PCDH11Y: variants seen among roughly 807,000 people sequenced by gnomAD.
PCDH11Y encodes protocadherin-11 Y-linked.
For missense variants in PCDH11Y, 12 were observed against 224.8 expected (o/e 0.05, Z 6.05); for synonymous variants, 9 against 83.6 (o/e 0.11, Z 4.87).
chrY:5,363,892 T>C, intron 2 of PCDH11Y, among the ~76,000 whole-genome samples: 1 of 20,463 alleles, frequency 4.9e-5, no homozygotes, highest in African/African-American at 2.0e-4. Context: ...CTTGCTCTTG[T>C]CGCCCAGGCT....
intron 2 of PCDH11Y, among the ~76,000 whole-genome samples, chrY:5,376,162 C>CTATT (rs2124673858): frequency 3.2e-5 from 1 of 31,006 alleles, no homozygotes; most frequent in South Asian, 7.1e-4. Flanking sequence ...TTTTATTTAT[C>CTATT]TATTTATTTA....
At position 5,312,530 on chromosome Y, in the gene PCDH11Y, T is replaced by TTA. The variant is rs2053102163; in HGVS notation, c.3130-188518_3130-188517dup. 5.6e-4 allele frequency among the ~76,000 whole-genome samples: 15 copies of TTA among 26,779 alleles called. No homozygotes were observed. The South Asian group carries it at 6.9e-3, about 12-fold the overall frequency. 71.8% of individuals were successfully genotyped at this position (26,779 alleles called of 37,273 possible). On this transcript the variant is annotated intron_variant, in intron 2 of 4. Transcript: ENST00000400457. ...TATATTTATATAAGATATATATTTCTTATATATATAAGATATATATATAAG... is the reference window on the plus strand; with the variant it reads ...TATATTTATATAAGATATATATTTCTTATATATATATAAGATATATATATAAG...
At chrY:5,347,268 T>G in intron 2 of PCDH11Y, among the ~76,000 whole-genome samples, 1 of 31,708 alleles carries the variant, frequency 3.2e-5, no homozygotes, top group Non-Finnish European at 7.6e-5. Context: ...CTGGCCAACA[T>G]GGTGAAACCT....
intron 3 of PCDH11Y, among the ~76,000 whole-genome samples, chrY:5,508,477 T>C (rs2053361160): frequency 3.0e-5 from 1 of 33,275 alleles, no homozygotes; most frequent in Non-Finnish European, 7.5e-5. Flanking sequence ...ATTGGAAATG[T>C]TTGTATGTTA....
At chrY:5,604,897 G>A in intron 4 of PCDH11Y, among the ~76,000 whole-genome samples, 1 of 31,714 alleles carries the variant, frequency 3.2e-5, no homozygotes, top group Non-Finnish European at 7.7e-5. Context: ...CTCTCCTTAC[G>A]CCTGATAACC....
At chrY:5,131,875 C>G (rs2052834498) in intron 2 of PCDH11Y, among the ~76,000 whole-genome samples, 3 of 33,213 alleles carry the variant, frequency 9.0e-5, no homozygotes, top group Admixed American at 2.8e-4. Flanking sequence ...GTATAATGCA[C>G]AAATCAAAAT....
intron 2 of PCDH11Y, among the ~76,000 whole-genome samples, chrY:5,401,376 GT>G (rs2053233709): frequency 3.0e-5 from 1 of 32,964 alleles, no homozygotes; most frequent in African/African-American, 1.2e-4. Flanking sequence ...GGAATTGACT[GT>G]CAGTAAAAAA....
At chrY:5,507,303 AT>A (rs2053359638) in intron 3 of PCDH11Y, among the ~76,000 whole-genome samples, 1 of 32,695 alleles carries the variant, frequency 3.1e-5, no homozygotes, top group Admixed American at 2.9e-4. Flanking sequence ...ATACATTATA[AT>A]AAGAAAAATG....
intron 2 of PCDH11Y, among the ~76,000 whole-genome samples, chrY:5,419,006 T>C: frequency 3.0e-5 from 1 of 33,052 alleles, no homozygotes; most frequent in Non-Finnish European, 7.5e-5. Flanking sequence ...CATCCTTATG[T>C]TCTGAACTCT....
At chrY:5,356,252 TA>T (rs2053165924) in intron 2 of PCDH11Y, among the ~76,000 whole-genome samples, 3 of 33,620 alleles carry the variant, frequency 8.9e-5, no homozygotes, top group Admixed American at 2.8e-4. Context: ...TTTAAAGACA[TA>T]AGTGATTAAC....
At chrY:5,057,917 G>GA (rs2052667301) in intron 1 of PCDH11Y, among the ~76,000 whole-genome samples, 1 of 31,347 alleles carries the variant, frequency 3.2e-5, no homozygotes, top group African/African-American at 1.2e-4. Flanking sequence ...CTATTTGAGA[G>GA]GTGACTAGAA....
intron 2 of PCDH11Y, among the ~76,000 whole-genome samples, chrY:5,223,928 C>A: frequency 3.2e-5 from 1 of 31,541 alleles, no homozygotes; most frequent in Non-Finnish European, 7.6e-5. Context: ...GATCAACCAC[C>A]AAAACCTTCA....
At chrY:5,281,989 C>T in intron 2 of PCDH11Y, among the ~76,000 whole-genome samples, 1 of 26,805 alleles carries the variant, frequency 3.7e-5, no homozygotes, top group East Asian at 9.8e-4. Flanking sequence ...CACTGTAGTC[C>T]GTCTGACAGT....
chrY:5,044,629 G>A (rs1602846911), intron 3 of PCDH11Y, among the ~76,000 whole-genome samples: 5 of 32,701 alleles, frequency 1.5e-4, no homozygotes, highest in East Asian at 8.1e-4. Context: ...TATTAGGTCC[G>A]CTTGGTGCAG....
At chrY:5,273,708 C>A in intron 2 of PCDH11Y, among the ~76,000 whole-genome samples, 2 of 32,720 alleles carry the variant, frequency 6.1e-5, no homozygotes, top group Non-Finnish European at 1.5e-4. Flanking sequence ...CTTATTGGAC[C>A]TAAAAGGTTG....
chrY:5,516,624 TTTTGTTTG>T (rs2053373099), intron 3 of PCDH11Y, among the ~76,000 whole-genome samples: 1 of 32,696 alleles, frequency 3.1e-5, no homozygotes, highest in Non-Finnish European at 7.5e-5. Flanking sequence ...ATTTACGTTT[TTTTGTTTG>T]TTTGTTTGTT....
At chrY:5,694,306 T>C (rs397833775) in intron 4 of PCDH11Y, among the ~76,000 whole-genome samples, 2 of 32,809 alleles carry the variant, frequency 6.1e-5, no homozygotes, top group East Asian at 1.6e-3. Flanking sequence ...TCATACTATA[T>C]ATATATTTAC....
chrY:5,068,856 C>T (rs1602855879), intron 1 of PCDH11Y, among the ~76,000 whole-genome samples: 217 of 32,573 alleles, frequency 6.7e-3, no homozygotes, highest in Admixed American at 0.018. Context: ...TAAGATTAAA[C>T]AGGGACATTA....
rs1602874463 is a variant in PCDH11Y at position 5,138,696 on chromosome Y, T to C, written c.3129+37989T>C. ...AAACATGCAACCCTCCCACGTTAAATTGGGAAGAAATAGAAACTCTGGACA... is the reference window on the plus strand; with the variant it reads ...AAACATGCAACCCTCCCACGTTAAACTGGGAAGAAATAGAAACTCTGGACA... On this transcript the variant is annotated intron_variant, in intron 2 of 4. Transcript: ENST00000400457. Among the ~76,000 whole-genome samples, 7 of 31,662 alleles carry C rather than the reference T, an allele frequency of 2.2e-4. No individual in the cohort carries two copies. The East Asian group carries it at 5.9e-3, about 26-fold the overall frequency. 84.9% of individuals were successfully genotyped at this position (31,662 alleles called of 37,273 possible).
Sources: gnomAD v4.1 joint callset for allele counts (sites outside exome capture counted in the v4.1 genomes callset) on GRCh38, gnomAD v4.1.1 for gene constraint, MANE v1.5 for transcripts, NCBI Gene and HGNC (gene_info 2026-07-23, HGNC 2026-07-21) for gene names.